The following TMEM132B variants were observed in gnomAD, a reference collection of about 807,000 sequenced individuals.
TMEM132B encodes the protein transmembrane protein 132B.
Under a neutral mutation model 90.8 loss-of-function variants are expected in TMEM132B, and 18 were observed. That is an observed-to-expected ratio of 0.20 (90% CI 0.14 to 0.29). The LOEUF (loss-of-function observed/expected upper bound fraction) is 0.29. Ranked by LOEUF, TMEM132B falls within the 10% of genes least tolerant of loss-of-function variation. The pLI, the probability that TMEM132B is intolerant of heterozygous loss-of-function variation, is 1.00. For missense variants in TMEM132B, 1,096 were observed against 1,326.8 expected, an observed-to-expected ratio of 0.83 and a Z score of 2.70; for synonymous variants, 504 against 523.3, an observed-to-expected ratio of 0.96 and a Z score of 0.50.
chr12:125,421,808 A>G (rs1245007570), intron 3 of TMEM132B, among the ~76,000 whole-genome samples: 3 of 152,262 alleles, frequency 2.0e-5, no homozygotes, highest in Admixed American at 6.5e-5. Context: ...CAGTTACCAT[A>G]TCAAGTGCCA....
intron 6 of TMEM132B, among the ~76,000 whole-genome samples, chr12:125,646,711 C>G (rs1886772186): frequency 6.6e-6 from 1 of 152,194 alleles, no homozygotes; most frequent in Non-Finnish European, 1.5e-5. Context: ...GACATATGCA[C>G]TAAAACAAAG....
intron 4 of TMEM132B, among the ~76,000 whole-genome samples, chr12:125,553,479 T>A (rs1884291129): frequency 1.3e-5 from 2 of 152,162 alleles, no homozygotes; most frequent in Admixed American, 1.3e-4. Flanking sequence ...AGAGTAGGGT[T>A]ACGAGCAGGT....
At chr12:125,446,491 T>C (rs978212021) in intron 3 of TMEM132B, among the ~76,000 whole-genome samples, 2 of 152,216 alleles carry the variant, frequency 1.3e-5, no homozygotes, top group African/African-American at 4.8e-5. Flanking sequence ...GAAAAAAAAG[T>C]TGGATTTGAA....
intron 3 of TMEM132B, among the ~76,000 whole-genome samples, chr12:125,497,444 T>C (rs567412001): frequency 9.2e-5 from 14 of 152,340 alleles, no homozygotes; most frequent in African/African-American, 3.4e-4. Context: ...CTACATCATT[T>C]TATCCTTACA....
chr12:125,223,491 C>CT (rs1212900741), intron 1 of TMEM132B, among the ~76,000 whole-genome samples: 13 of 152,296 alleles, frequency 8.5e-5, no homozygotes, highest in Non-Finnish European at 1.9e-4. Flanking sequence ...CATGCCTTAA[C>CT]TTTTTTGTGG....
intron 5 of TMEM132B, among the ~76,000 whole-genome samples, chr12:125,634,247 A>G (rs1281604097): frequency 2.6e-5 from 4 of 152,112 alleles, no homozygotes; most frequent in East Asian, 3.9e-4. Context: ...ACTACTGCCA[A>G]TGTTCCCTTA....
At chr12:125,395,075 G>T (rs1362791152) in intron 2 of TMEM132B, among the ~76,000 whole-genome samples, 3 of 152,202 alleles carry the variant, frequency 2.0e-5, no homozygotes, top group Non-Finnish European at 4.4e-5. Flanking sequence ...ATAAAGCTGT[G>T]AAAATGGATG....
chr12:125,483,559 G>T (rs545816274), intron 3 of TMEM132B, among the ~76,000 whole-genome samples: 2 of 152,316 alleles, frequency 1.3e-5, no homozygotes, highest in East Asian at 3.9e-4. Flanking sequence ...CCTGTTAGCT[G>T]AGGATGGGGT....
intron 2 of TMEM132B, among the ~76,000 whole-genome samples, chr12:125,397,462 A>T (rs1159629441): frequency 6.6e-6 from 1 of 152,134 alleles, no homozygotes; most frequent in African/African-American, 2.4e-5. Context: ...TTAGTTCTTA[A>T]TTACTCTCCA....
chr12:125,571,172 G>A (rs576790633), intron 4 of TMEM132B, among the ~76,000 whole-genome samples: 67 of 152,290 alleles, frequency 4.4e-4, no homozygotes, highest in African/African-American at 1.5e-3. Context: ...CGCAGCAGCC[G>A]GGATCGGGGA....
intron 3 of TMEM132B, among the ~76,000 whole-genome samples, chr12:125,429,436 C>A (rs1158021178): frequency 6.6e-6 from 1 of 152,018 alleles, no homozygotes; most frequent in African/African-American, 2.4e-5. Flanking sequence ...AAACCCCTGA[C>A]CTCAGGTGAT....
At chr12:125,359,514 T>C (rs941791399) in intron 2 of TMEM132B, among the ~76,000 whole-genome samples, 1 of 151,548 alleles carries the variant, frequency 6.6e-6, no homozygotes, top group African/African-American at 2.4e-5. Flanking sequence ...TAGTATTTTC[T>C]GATAGACAAA....
At chr12:125,269,147 A>G (rs929559415) in intron 1 of TMEM132B, among the ~76,000 whole-genome samples, 1 of 152,190 alleles carries the variant, frequency 6.6e-6, no homozygotes, top group Non-Finnish European at 1.5e-5. Flanking sequence ...TTATATTTGC[A>G]GTTACTTTGC....
chr12:125,208,732 C>G (rs1873244245), intron 1 of TMEM132B, among the ~76,000 whole-genome samples: 1 of 152,208 alleles, frequency 6.6e-6, no homozygotes, highest in Admixed American at 6.5e-5. Context: ...GGGTCTGTTT[C>G]TTGCTGAGAT....
intron 5 of TMEM132B, among the ~76,000 whole-genome samples, chr12:125,625,142 T>TTTTTC: frequency 7.1e-6 from 1 of 140,222 alleles, no homozygotes; most frequent in African/African-American, 2.7e-5. Context: ...TTTTTTTTTT[T>TTTTTC]TTTTTTTTGA....
At chr12:125,526,439 C>T (rs1187552142) in intron 4 of TMEM132B, among the ~76,000 whole-genome samples, 1 of 152,208 alleles carries the variant, frequency 6.6e-6, no homozygotes, top group Non-Finnish European at 1.5e-5. Context: ...AACTGGGTGG[C>T]ATACACAGAT....
At chr12:125,335,586 T>C (rs1876931004) in intron 1 of TMEM132B, among the ~76,000 whole-genome samples, 1 of 152,230 alleles carries the variant, frequency 6.6e-6, no homozygotes, top group Admixed American at 6.5e-5. Context: ...AGAAGGAGAA[T>C]GTGAAACTTG....
intron 1 of TMEM132B, among the ~76,000 whole-genome samples, chr12:125,326,134 T>A (rs910087805): frequency 6.6e-6 from 1 of 152,216 alleles, no homozygotes; most frequent in Non-Finnish European, 1.5e-5. Flanking sequence ...TCTCTCTCCC[T>A]TAATGGCCGG....
intron 4 of TMEM132B, among the ~76,000 whole-genome samples, chr12:125,519,985 AC>A (rs1411994810): frequency 6.6e-6 from 1 of 152,060 alleles, no homozygotes. Flanking sequence ...CAAGTAACTG[AC>A]CCCTTGTCAA....
Sources: gnomAD v4.1 joint callset for allele counts (sites outside exome capture counted in the v4.1 genomes callset) on GRCh38, gnomAD v4.1.1 for gene constraint, MANE v1.5 for transcripts, NCBI Gene and HGNC (gene_info 2026-07-23, HGNC 2026-07-21) for gene names.